The following SLC36A1 variants were observed in gnomAD, a reference collection of about 807,000 sequenced individuals.
SLC36A1 encodes the protein solute carrier family 36 member 1.
Under a neutral mutation model 47.5 loss-of-function variants are expected in SLC36A1, and 30 were observed. The observed-to-expected ratio is 0.63, with a 90% confidence interval of 0.47 to 0.86. The LOEUF (loss-of-function observed/expected upper bound fraction) is 0.86, where lower values mean the gene tolerates loss of function less well. Ranked by LOEUF, SLC36A1 falls within the 40% of genes least tolerant of loss-of-function variation. SLC36A1 has a pLI of 0.00. For missense variants in SLC36A1, 517 were observed against 606.0 expected, an observed-to-expected ratio of 0.85 and a Z score of 1.54; for synonymous variants, 255 against 249.7, an observed-to-expected ratio of 1.02 and a Z score of -0.20.
At chr5:151,384,532 C>T in the SLC36A1 span, among the ~76,000 whole-genome samples, 954 of 152,292 alleles carry the variant, frequency 6.3e-3, 17 homozygotes, top group African/African-American at 0.022. Context: ...AGCTCAAAAG[C>T]ATCATCCTTC....
chr5:151,431,947 A>G, the SLC36A1 span, among the ~76,000 whole-genome samples: 1 of 152,248 alleles, frequency 6.6e-6, no homozygotes, highest in East Asian at 1.9e-4. Context: ...ATACAGCTTT[A>G]CCCTCCTTGC....
At chr5:151,368,703 A>G in the SLC36A1 span, among the ~76,000 whole-genome samples, 4 of 151,950 alleles carry the variant, frequency 2.6e-5, no homozygotes, top group Admixed American at 2.6e-4. Context: ...CCCTGGTTGC[A>G]AAGAATCTTT....
chr5:151,515,335 T>G, the SLC36A1 span, among the ~76,000 whole-genome samples: 15 of 152,368 alleles, frequency 9.8e-5, no homozygotes, highest in Admixed American at 3.9e-4. Context: ...GAGTAATCCT[T>G]GGCCTACTCT....
the SLC36A1 span, chr5:151,412,433 T>A: frequency 1.4e-5 from 2 of 144,188 alleles, 1 homozygote; most frequent in East Asian, 4.7e-4. Flanking sequence ...GAGGAAATCA[T>A]TGACAATCTG....
chr5:151,502,551 T>C, the SLC36A1 span, among the ~76,000 whole-genome samples: 2 of 147,574 alleles, frequency 1.4e-5, no homozygotes, highest in Non-Finnish European at 2.9e-5. Flanking sequence ...GAAAAGATGC[T>C]CCACATCATA....
At chr5:151,527,916 G>T in the SLC36A1 span, 1 of 1,542,290 alleles carries the variant, frequency 6.5e-7, no homozygotes, top group Non-Finnish European at 8.8e-7. Context: ...GGTCTTGACA[G>T]CGATTCATCT....
chr5:151,416,560 C>T, the SLC36A1 span, among the ~76,000 whole-genome samples: 34 of 152,188 alleles, frequency 2.2e-4, no homozygotes, highest in Non-Finnish European at 1.5e-5. Context: ...AAGAAATAAC[C>T]TCATTATTCA....
intron 7 of SLC36A1, chr5:151,469,176 GA>G (rs752778879): frequency 1.5e-5 from 10 of 672,640 alleles, no homozygotes; most frequent in Non-Finnish European, 2.7e-5. Flanking sequence ...AATACCTCTT[GA>G]ATACCATGTC....
intron 10 of SLC36A1, 97 bp from the exon 11 acceptor site, chr5:151,487,886 C>A: frequency 7.0e-7 from 1 of 1,418,968 alleles, no homozygotes; most frequent in Non-Finnish European, 9.7e-7. Context: ...GCTCTCAATC[C>A]TATAAGATGG....
At chr5:151,438,945 C>T (rs185813804) in intron 1 of SLC36A1, among the ~76,000 whole-genome samples, 5 of 152,152 alleles carry the variant, frequency 3.3e-5, no homozygotes, top group Admixed American at 2.0e-4. Context: ...GGTATTAGTT[C>T]GTTCTAACAC....
At chr5:151,479,866 CT>C (rs1371471518) in intron 10 of SLC36A1, 6 of 520,766 alleles carry the variant, frequency 1.2e-5, no homozygotes, top group Non-Finnish European at 2.0e-5. Context: ...TACTTATTTG[CT>C]TTTTCAAATA....
At chr5:151,375,548 G>C in the SLC36A1 span, among the ~76,000 whole-genome samples, 1 of 151,850 alleles carries the variant, frequency 6.6e-6, no homozygotes, top group Non-Finnish European at 1.5e-5. Context: ...TTGGGCTTTT[G>C]GGGGAGGGGT....
chr5:151,542,649 A>G, the SLC36A1 span: 1 of 1,614,218 alleles, frequency 6.2e-7, no homozygotes. Flanking sequence ...CATCTCTCCC[A>G]GTGTCCTTGT....
chr5:151,422,488 G>A, the SLC36A1 span, among the ~76,000 whole-genome samples: 1 of 152,342 alleles, frequency 6.6e-6, no homozygotes, highest in South Asian at 2.1e-4. Flanking sequence ...AGTGGAGGCA[G>A]GAACCTCTGA....
chr5:151,520,021 T>C, the SLC36A1 span, among the ~76,000 whole-genome samples: 1 of 152,240 alleles, frequency 6.6e-6, no homozygotes, highest in African/African-American at 2.4e-5. Flanking sequence ...CCCTTCAGCC[T>C]TCTTGGCTTT....
At chr5:151,386,693 G>GC in the SLC36A1 span, among the ~76,000 whole-genome samples, 1 of 152,174 alleles carries the variant, frequency 6.6e-6, no homozygotes, top group Non-Finnish European at 1.5e-5. Context: ...TGCGTCTTGA[G>GC]CATTGCACTC....
chr5:151,539,996 G>A, the SLC36A1 span, among the ~76,000 whole-genome samples: 2 of 152,258 alleles, frequency 1.3e-5, no homozygotes, highest in African/African-American at 4.8e-5. Context: ...CATGGGGTGA[G>A]GGGTTTGTCT....
At chr5:151,555,324 A>C in the SLC36A1 span, among the ~76,000 whole-genome samples, 1 of 151,560 alleles carries the variant, frequency 6.6e-6, no homozygotes, top group Non-Finnish European at 1.5e-5. Flanking sequence ...GTCCCTAGGA[A>C]TTCTAGAAGG....
chr5:151,404,010 G>A, the SLC36A1 span, among the ~76,000 whole-genome samples: 2 of 152,184 alleles, frequency 1.3e-5, no homozygotes, highest in African/African-American at 4.8e-5. Context: ...TACACTGTGA[G>A]TGGGGTATTA....
Sources: gnomAD v4.1 joint callset for allele counts (sites outside exome capture counted in the v4.1 genomes callset) on GRCh38, gnomAD v4.1.1 for gene constraint, MANE v1.5 for transcripts, NCBI Gene and HGNC (gene_info 2026-07-23, HGNC 2026-07-21) for gene names.